ADGRL3: variants seen among roughly 807,000 people sequenced by gnomAD.
ADGRL3 encodes the protein adhesion G protein-coupled receptor L3, also known as calcium-independent alpha-latrotoxin receptor 3.
Under a neutral mutation model 153.5 loss-of-function variants are expected in ADGRL3, and 62 were observed. The ratio of observed to expected loss-of-function variants is 0.40; its 90% CI spans 0.33 to 0.50. The LOEUF is 0.50. ADGRL3 is among the 20% of genes least tolerant of loss of function. The probability of loss-of-function intolerance (pLI) is 0.47; values close to 1 mark genes in which losing one functional copy is unlikely to be tolerated. For synonymous variants in ADGRL3, 710 were observed against 672.5 expected (o/e 1.06, Z -0.86); for missense variants, 1,641 against 1,859.4 (o/e 0.88, Z 2.16).
intron 1 of ADGRL3, among the ~76,000 whole-genome samples, chr4:61,241,656 T>A (rs2149329975): frequency 6.6e-6 from 1 of 152,138 alleles, no homozygotes; most frequent in African/African-American, 2.4e-5. Context: ...ATCTTAACAC[T>A]CCTGAGATTT....
At chr4:61,608,383 T>C (rs552802468) in intron 5 of ADGRL3, among the ~76,000 whole-genome samples, 5 of 152,240 alleles carry the variant, frequency 3.3e-5, no homozygotes, top group East Asian at 3.9e-4. Context: ...TCAGAGAATA[T>C]ACAGAAAAAC....
intron 8 of ADGRL3, among the ~76,000 whole-genome samples, chr4:61,765,355 G>T (rs1266114064): frequency 6.6e-6 from 1 of 152,140 alleles, no homozygotes; most frequent in African/African-American, 2.4e-5. Flanking sequence ...GCTTAAATGG[G>T]CTGTACCCTG....
intron 8 of ADGRL3, among the ~76,000 whole-genome samples, chr4:61,798,271 A>G (rs2097439596): frequency 1.3e-5 from 2 of 152,324 alleles, no homozygotes; most frequent in East Asian, 1.9e-4. Context: ...CCCATTGGAA[A>G]TTAATTTCTG....
At chr4:61,847,840 T>C (rs1344655119) in intron 9 of ADGRL3, among the ~76,000 whole-genome samples, 1 of 13,060 alleles carries the variant, frequency 7.7e-5, no homozygotes, top group African/African-American at 2.0e-4. Flanking sequence ...AATATATATA[T>C]AATATAAAAT....
At chr4:61,740,929 A>G (rs926354479) in intron 8 of ADGRL3, among the ~76,000 whole-genome samples, 1 of 152,232 alleles carries the variant, frequency 6.6e-6, no homozygotes, top group African/African-American at 2.4e-5. Context: ...AAGCCTACAC[A>G]TAACAGTTTA....
intron 2 of ADGRL3, among the ~76,000 whole-genome samples, chr4:61,386,207 A>C (rs1578572342): frequency 6.6e-6 from 1 of 152,194 alleles, no homozygotes; most frequent in African/African-American, 2.4e-5. Flanking sequence ...TTACTAATAC[A>C]TGACCAAGGC....
Position 62,075,196 on chromosome 4 carries a change from G to A in ADGRL3, c.*4288G>A, listed in dbSNP as rs960241288. On this transcript the variant is annotated 3_prime_UTR_variant, in exon 27 of 27. Transcript: ENST00000683033. Reference sequence around the variant, plus strand: ...CTACTGCTTGGATTTTTTTGTTGTGGTTTTAAAGAGATGGGGTCTTGCTCT... The same window carrying A: ...CTACTGCTTGGATTTTTTTGTTGTGATTTTAAAGAGATGGGGTCTTGCTCT... 14 of 151,986 alleles carry A rather than the reference G, an allele frequency of 9.2e-5. 1 individual carries two copies. The highest frequency in any genetic ancestry group is 7.9e-4 in the Admixed American group (12 of 15,236). 9.4% of individuals were successfully genotyped at this position (151,986 alleles called of 1,614,324 possible). A position where few individuals can be genotyped will look rare whatever the true frequency, so the allele number is the denominator to read the frequency against.
chr4:61,881,332 T>G (rs1342383684), intron 9 of ADGRL3, among the ~76,000 whole-genome samples: 1 of 152,190 alleles, frequency 6.6e-6, no homozygotes, highest in African/African-American at 2.4e-5. Flanking sequence ...TAGGCTTGTT[T>G]TTACTGTTCA....
chr4:61,501,181 C>T (rs2098382899), intron 3 of ADGRL3, among the ~76,000 whole-genome samples: 1 of 152,098 alleles, frequency 6.6e-6, no homozygotes, highest in Non-Finnish European at 1.5e-5. Flanking sequence ...TTAATTTACC[C>T]ACTACAAGCC....
At chr4:61,840,859 G>A (rs1471677217) in intron 9 of ADGRL3, among the ~76,000 whole-genome samples, 1 of 152,136 alleles carries the variant, frequency 6.6e-6, no homozygotes, top group Admixed American at 6.6e-5. Flanking sequence ...TTTGGCAGAA[G>A]GAGAGGAAAT....
chr4:61,788,511 C>T (rs564547265), intron 8 of ADGRL3, among the ~76,000 whole-genome samples: 8 of 152,230 alleles, frequency 5.3e-5, no homozygotes, highest in East Asian at 1.9e-4. Context: ...GGGATCACCC[C>T]GTGGGACAAA....
At chr4:61,647,121 C>G (rs545868422) in intron 5 of ADGRL3, among the ~76,000 whole-genome samples, 5 of 152,094 alleles carry the variant, frequency 3.3e-5, no homozygotes, top group Non-Finnish European at 7.4e-5. Context: ...GGCAATGCCT[C>G]GCCCTGCTTC....
intron 2 of ADGRL3, among the ~76,000 whole-genome samples, chr4:61,417,680 T>C (rs2097159472): frequency 7.5e-6 from 1 of 133,390 alleles, no homozygotes; most frequent in South Asian, 2.8e-4. Flanking sequence ...TAATCGATGT[T>C]TTAAAATAGT....
At chr4:61,792,897 G>A (rs780095034) in intron 8 of ADGRL3, among the ~76,000 whole-genome samples, 8 of 151,702 alleles carry the variant, frequency 5.3e-5, no homozygotes, top group Admixed American at 1.3e-4. Flanking sequence ...TTTCAGTAAC[G>A]GTCCACTCTA....
chr4:61,391,880 G>C (rs919201761), intron 2 of ADGRL3, among the ~76,000 whole-genome samples: 8 of 74,878 alleles, frequency 1.1e-4, no homozygotes, highest in African/African-American at 4.0e-4. Context: ...TTTTTTTTGA[G>C]ATGGAGTCTG....
chr4:61,726,632 G>T (rs1198077554), intron 6 of ADGRL3, among the ~76,000 whole-genome samples: 24 of 151,970 alleles, frequency 1.6e-4, no homozygotes, highest in Non-Finnish European at 5.9e-5. Context: ...TTGCCTTTCT[G>T]CCATATCCCA....
rs115259478 is a variant in ADGRL3, at chr4:61,379,576, T to A, written c.-239-3548T>A. Among the ~76,000 whole-genome samples, 824 of 152,144 alleles carry A rather than the reference T, an allele frequency of 5.4e-3. 7 individuals carry two copies. Among genetic ancestry groups the A allele is most frequent in the African/African-American group, 0.019 (781 of 41,538 alleles). On this transcript the variant is annotated intron_variant, in intron 1 of 26. Coordinates refer to ENST00000683033, the MANE Select transcript of ADGRL3 (RefSeq NM_001387552.1). Reference sequence around the variant, plus strand: ...TTAGGCTGAAAGCCATCTAATTAACTGACAACACAATAGTCTTTTAAAAAC... The same window carrying A: ...TTAGGCTGAAAGCCATCTAATTAACAGACAACACAATAGTCTTTTAAAAAC...
chr4:61,870,396 A>G (rs2098436808), intron 9 of ADGRL3, among the ~76,000 whole-genome samples: 1 of 152,236 alleles, frequency 6.6e-6, no homozygotes, highest in South Asian at 2.1e-4. Context: ...TGGATTAAGC[A>G]ATGGTTTCTT....
In ADGRL3 at chr4:62,076,283, G is replaced by A. The variant is rs908425816; in HGVS notation, c.*5375G>A. On this transcript the variant is annotated 3_prime_UTR_variant, in exon 27 of 27. Coordinates refer to ENST00000683033, the MANE Select transcript of ADGRL3 (RefSeq NM_001387552.1). ...TTTTTCTCTTAATAGTATGTCAAAA[G>A]CATTGTTCTCATTTGATAATTTGTG... 6.6e-6 allele frequency: 1 copy of A among 152,008 alleles called. No individual in the cohort carries two copies. 9.4% of individuals were successfully genotyped at this position (152,008 alleles called of 1,614,324 possible).
Sources: gnomAD v4.1 joint callset for allele counts (sites outside exome capture counted in the v4.1 genomes callset) on GRCh38, gnomAD v4.1.1 for gene constraint, MANE v1.5 for transcripts, NCBI Gene and HGNC (gene_info 2026-07-23, HGNC 2026-07-21) for gene names.